The following CDH13 variants were observed in gnomAD, a reference collection of about 807,000 sequenced individuals.
CDH13 encodes the protein cadherin-13.
A neutral mutation model predicts 63.8 loss-of-function variants in CDH13; 24 were observed. The observed-to-expected ratio is 0.38, with a 90% confidence interval of 0.27 to 0.53. The LOEUF is 0.53. Among genes scored for constraint, CDH13 ranks in the 20% least tolerant of loss-of-function variants. The pLI is 0.85. For synonymous variants in CDH13, 503 were observed against 355.3 expected (o/e 1.42, Z -4.67); for missense variants, 1,049 against 903.1 (o/e 1.16, Z -2.07).
rs145140455 is a variant in CDH13 at position 82,698,405 on chromosome 16, T to C, written c.45+71268T>C. Among the ~76,000 whole-genome samples, 584 of 152,358 alleles carry C rather than the reference T, an allele frequency of 3.8e-3. 4 individuals are homozygous for C. Among genetic ancestry groups the C allele is most frequent in the African/African-American group, 0.013 (542 of 41,586 alleles). ...AGAATGTATCAGGTAGCTTTTGCTC[T>C]GTGACAGACAACTACAAAACCTTGG... On this transcript the variant is annotated intron_variant, in intron 1 of 13. Transcript: ENST00000567109.
intron 7 of CDH13, among the ~76,000 whole-genome samples, chr16:83,510,591 G>T (rs1277984550): frequency 1.3e-5 from 2 of 152,210 alleles, no homozygotes; most frequent in African/African-American, 2.4e-5. Context: ...CAGTAGTTGT[G>T]AAATCCTACC....
intron 2 of CDH13, among the ~76,000 whole-genome samples, chr16:82,890,046 C>T (rs1005119069): frequency 3.3e-4 from 51 of 152,334 alleles, no homozygotes; most frequent in African/African-American, 1.1e-3. Flanking sequence ...TCTAATAAAA[C>T]TGGCTTCAAA....
chr16:83,672,407 C>CTTTT (rs1379215242), intron 9 of CDH13, among the ~76,000 whole-genome samples: 5 of 55,184 alleles, frequency 9.1e-5, no homozygotes, highest in Non-Finnish European at 1.5e-4. Flanking sequence ...TCTCTGGATT[C>CTTTT]TCTTTTTTTT....
At chr16:83,333,550 A>G (rs1274300240) in intron 5 of CDH13, among the ~76,000 whole-genome samples, 1 of 152,182 alleles carries the variant, frequency 6.6e-6, no homozygotes, top group Non-Finnish European at 1.5e-5. Flanking sequence ...TGCCAGGAAG[A>G]TGGCATTCCA....
intron 2 of CDH13, among the ~76,000 whole-genome samples, chr16:82,891,028 TAG>T (rs1175752923): frequency 7.5e-6 from 1 of 133,722 alleles, no homozygotes; most frequent in Non-Finnish European, 1.6e-5. Flanking sequence ...CATTAAGTCA[TAG>T]AGGAGGGTTT....
chr16:83,050,776 G>GTGTTTC (rs2030235019), intron 3 of CDH13, among the ~76,000 whole-genome samples: 2 of 152,194 alleles, frequency 1.3e-5, no homozygotes, highest in South Asian at 4.1e-4. Flanking sequence ...GGTTAACTGT[G>GTGTTTC]TGAGTCTGAA....
At chr16:82,639,451 G>A in intron 1 of CDH13, 2 of 1,533,636 alleles carry the variant, frequency 1.3e-6, no homozygotes, top group Non-Finnish European at 1.7e-6. Context: ...CCCACCTGCA[G>A]CTTCAACCAT....
intron 7 of CDH13, among the ~76,000 whole-genome samples, chr16:83,527,990 A>C (rs1255177218): frequency 1.3e-5 from 2 of 152,212 alleles, no homozygotes; most frequent in African/African-American, 4.8e-5. Context: ...TTCTAAGGGC[A>C]CGCAGGGAGT....
chr16:83,304,649 C>G (rs554390012), intron 5 of CDH13, among the ~76,000 whole-genome samples: 6 of 152,192 alleles, frequency 3.9e-5, no homozygotes, highest in Non-Finnish European at 7.4e-5. Flanking sequence ...GGAACAGGTT[C>G]TTTACTGAAA....
chr16:83,084,117 T>C (rs4238726), intron 3 of CDH13, among the ~76,000 whole-genome samples: 89,606 of 152,088 alleles, frequency 0.59, 27,921 homozygotes, highest in African/African-American at 0.79. Flanking sequence ...TCAATTTGGA[T>C]GTTATAGGTA....
intron 5 of CDH13, among the ~76,000 whole-genome samples, chr16:83,246,654 C>A (rs542968480): frequency 5.3e-5 from 8 of 152,276 alleles, no homozygotes; most frequent in African/African-American, 1.9e-4. Context: ...TTCTGACTGT[C>A]ATTGTCATTC....
chr16:82,665,917 C>T (rs1912528421), intron 1 of CDH13, among the ~76,000 whole-genome samples: 1 of 151,932 alleles, frequency 6.6e-6, no homozygotes, highest in African/African-American at 2.4e-5. Context: ...TATTTCTGGA[C>T]CAGGAAAAGA....
chr16:83,388,283 GAAAAAAA>G (rs549786649), intron 6 of CDH13, among the ~76,000 whole-genome samples: 1 of 115,520 alleles, frequency 8.7e-6, no homozygotes, highest in Non-Finnish European at 1.8e-5. Context: ...CCTCTCTCTG[GAAAAAAA>G]AAAAAAAAAA....
chr16:83,237,259 C>T (rs2040173417), intron 5 of CDH13, among the ~76,000 whole-genome samples: 1 of 152,318 alleles, frequency 6.6e-6, no homozygotes, highest in African/African-American at 2.4e-5. Context: ...AGTGGGCACC[C>T]ACCCCATGGT....
intron 2 of CDH13, among the ~76,000 whole-genome samples, chr16:82,929,244 G>C (rs980858339): frequency 2.0e-5 from 3 of 152,098 alleles, no homozygotes; most frequent in Non-Finnish European, 4.4e-5. Flanking sequence ...TCTGGAGGTA[G>C]GGCTTTCATG....
At position 83,423,667 on chromosome 16, in the gene CDH13, A is replaced by G. The variant is rs190583713; in HGVS notation, c.782-62810A>G. Among the ~76,000 whole-genome samples, 417 of 152,346 alleles carry G rather than the reference A, an allele frequency of 2.7e-3. 5 individuals carry two copies. The highest frequency in any genetic ancestry group is 9.5e-3 in the African/African-American group (395 of 41,586). ...AGAGGCAACTGCAGCAATCATGATC[A>G]TATGTCTGTTGCAGTGGAATTCTTT... is the stretch of plus-strand genomic sequence containing the variant. On this transcript the variant is annotated intron_variant, in intron 6 of 13. Transcript: ENST00000567109.
At chr16:83,293,452 G>C (rs559752098) in intron 5 of CDH13, among the ~76,000 whole-genome samples, 72 of 152,172 alleles carry the variant, frequency 4.7e-4, no homozygotes, top group Non-Finnish European at 7.8e-4. Flanking sequence ...ATCTGGGAAA[G>C]GTCAATTGTT....
chr16:83,583,793 T>A (rs2069354549), intron 7 of CDH13, among the ~76,000 whole-genome samples: 1 of 151,128 alleles, frequency 6.6e-6, no homozygotes, highest in Non-Finnish European at 1.5e-5. Context: ...GGCATGAGCC[T>A]CTAGACCTAG....
intron 4 of CDH13, among the ~76,000 whole-genome samples, chr16:83,140,481 C>T (rs1349185334): frequency 6.6e-6 from 1 of 151,928 alleles, no homozygotes. Context: ...GAGATGGAGT[C>T]GTGCTCTTCT....
Sources: allele counts gnomAD v4.1 joint callset (sites outside exome capture counted in the v4.1 genomes callset), GRCh38; gene constraint gnomAD v4.1.1; transcripts MANE v1.5; gene names NCBI Gene and HGNC (gene_info 2026-07-23, HGNC 2026-07-21).